The following ARMC8 variants were observed in gnomAD, a reference collection of about 807,000 sequenced individuals.
The protein encoded by ARMC8 is armadillo repeat containing 8, also known as armadillo repeat-containing protein 8.
A neutral mutation model predicts 99.3 loss-of-function variants in ARMC8; 20 were observed. That is an observed-to-expected ratio of 0.20 (90% CI 0.14 to 0.29). The LOEUF is 0.29. Ranked by LOEUF, ARMC8 falls within the 10% of genes least tolerant of loss-of-function variation. ARMC8 has a pLI of 1.00. For synonymous variants in ARMC8, 263 were observed against 278.3 expected (o/e 0.95, Z 0.55); for missense variants, 569 against 809.5 (o/e 0.70, Z 3.60).
At chr3:138,236,305 T>TA (rs1318396905) in intron 7 of ARMC8, among the ~76,000 whole-genome samples, 1 of 152,238 alleles carries the variant, frequency 6.6e-6, no homozygotes, top group African/African-American at 2.4e-5. Context: ...ATGCAAAGGC[T>TA]AAACCAGTCA....
At chr3:138,263,657 A>C in intron 12 of ARMC8, 82 bp from the exon 13 acceptor site, 1 of 1,178,602 alleles carries the variant, frequency 8.5e-7, no homozygotes, top group Non-Finnish European at 1.3e-6. Flanking sequence ...CTTTTAATGG[A>C]TGTTAACATA....
intron 15 of ARMC8, among the ~76,000 whole-genome samples, chr3:138,267,819 A>C (rs1273773558): frequency 6.6e-6 from 1 of 152,236 alleles, no homozygotes; most frequent in Non-Finnish European, 1.5e-5. Flanking sequence ...TTATGTCATA[A>C]TACCCCTGAT....
intron 5 of ARMC8, among the ~76,000 whole-genome samples, chr3:138,225,149 C>T (rs1055764949): frequency 4.0e-5 from 6 of 148,758 alleles, no homozygotes; most frequent in African/African-American, 1.5e-4. Flanking sequence ...TCTCTCTCAC[C>T]GAGGCTGGAG....
rs902792867 is a variant in ARMC8 at position 138,298,210 on chromosome 3, G to A, written c.*2318G>A. ...AATACTGCATTCTGTTTCTCCTTTT[G>A]TGCCCTGATTGTAATCCAAAATTTA... On this transcript the variant is annotated 3_prime_UTR_variant, in exon 22 of 22. Coordinates refer to ENST00000469044, the MANE Select transcript of ARMC8 (RefSeq NM_001363941.2). 4 of 152,146 alleles carry A rather than the reference G, an allele frequency of 2.6e-5. No individual in the cohort carries two copies. Among genetic ancestry groups the A allele is most frequent in the Admixed American group, 1.3e-4 (2 of 15,284 alleles). 9.4% of individuals were successfully genotyped at this position (152,146 alleles called of 1,614,324 possible). A position where few individuals can be genotyped will look rare whatever the true frequency, so the allele number is the denominator to read the frequency against.
chr3:138,256,410 T>TTTC, intron 12 of ARMC8, among the ~76,000 whole-genome samples: 1 of 143,252 alleles, frequency 7.0e-6, no homozygotes, highest in African/African-American at 2.6e-5. Flanking sequence ...TTCTTTTTTT[T>TTTC]TTTTTTTTTT....
At chr3:138,201,411 T>C (rs1386464921) in intron 1 of ARMC8, among the ~76,000 whole-genome samples, 1 of 146,052 alleles carries the variant, frequency 6.8e-6, no homozygotes, top group Non-Finnish European at 1.5e-5. Context: ...GCTCTCTACC[T>C]AGAGTCCTTG....
intron 12 of ARMC8, chr3:138,263,402 A>G (rs899822556): frequency 4.0e-5 from 10 of 250,488 alleles, no homozygotes; most frequent in South Asian, 2.8e-4. Flanking sequence ...AACCTGCCCA[A>G]TGAGAGTTCA....
intron 12 of ARMC8, among the ~76,000 whole-genome samples, chr3:138,251,499 C>T (rs773399173): frequency 6.6e-6 from 1 of 152,202 alleles, no homozygotes; most frequent in African/African-American, 2.4e-5. Flanking sequence ...CAAATTCATT[C>T]GGATTTCATA....
chr3:138,220,010 A>G (rs2045303490), intron 2 of ARMC8, among the ~76,000 whole-genome samples: 1 of 152,218 alleles, frequency 6.6e-6, no homozygotes, highest in Admixed American at 6.5e-5. Context: ...GTTCTGGAAT[A>G]GAAAGCATTC....
rs141188132 is a variant in ARMC8 at position 138,225,620 on chromosome 3, C to A, written c.435+1887C>A. ...TGTATGTATGTGTATGTGAAAGAAT[C>A]CTGAGACAAGTTTCATGACATTGTT... On this transcript the variant is annotated intron_variant, in intron 5 of 21. Coordinates refer to ENST00000469044, the MANE Select transcript of ARMC8 (RefSeq NM_001363941.2). Among the ~76,000 whole-genome samples, 1,098 of 152,186 alleles carry A rather than the reference C, an allele frequency of 7.2e-3. 13 individuals carry two copies. The highest frequency in any genetic ancestry group is 0.025 in the African/African-American group (1,028 of 41,498).
At chr3:138,281,835 T>C (rs936639844) in intron 18 of ARMC8, among the ~76,000 whole-genome samples, 1 of 152,138 alleles carries the variant, frequency 6.6e-6, no homozygotes, top group Non-Finnish European at 1.5e-5. Flanking sequence ...GGGTAGCTGT[T>C]TTCTAGGAGA....
At chr3:138,187,838 C>T (rs1342492815) in intron 1 of ARMC8, 4 of 556,342 alleles carry the variant, frequency 7.2e-6, no homozygotes, top group Non-Finnish European at 1.3e-5. Context: ...CCCAGGATGG[C>T]GTCTGGCAGG....
intron 12 of ARMC8, chr3:138,262,547 AG>A: frequency 6.2e-7 from 1 of 1,612,722 alleles, no homozygotes; most frequent in Non-Finnish European, 8.5e-7. Flanking sequence ...ATTTTAGTCT[AG>A]GTCAGTGATC....
At chr3:138,188,407 T>A (rs77954105) in intron 1 of ARMC8, 1 of 1,514,656 alleles carries the variant, frequency 6.6e-7, no homozygotes, top group Non-Finnish European at 8.9e-7. Context: ...AAAGTTTTTT[T>A]AAAGAAAAAG....
In ARMC8 at chr3:138,187,722, C is replaced by T. The variant is rs914059294; in HGVS notation, c.45+123C>T. ...CCTGGGGTGGACCCCGGCTCAGTCTCGGGCCAGGGAGTGAGCGAGGGTGGA... is the reference window on the plus strand; with the variant it reads ...CCTGGGGTGGACCCCGGCTCAGTCTTGGGCCAGGGAGTGAGCGAGGGTGGA... On this transcript the variant is annotated intron_variant, in intron 1 of 21. Transcript: ENST00000469044. The T allele has an allele frequency of 1.7e-5, 19 of 1,111,174 alleles. No individual in the cohort carries two copies. The Admixed American group carries it at 2.6e-4, about 15-fold the overall frequency. 68.8% of individuals were successfully genotyped at this position (1,111,174 alleles called of 1,614,324 possible). A position where few individuals can be genotyped will look rare whatever the true frequency, so the allele number is the denominator to read the frequency against.
intron 18 of ARMC8, among the ~76,000 whole-genome samples, chr3:138,278,708 T>G (rs569998210): frequency 2.0e-5 from 3 of 152,296 alleles, no homozygotes; most frequent in African/African-American, 7.2e-5. Flanking sequence ...TTCCCAATTA[T>G]TTAGGTCTTC....
chr3:138,237,577 A>C lies in ARMC8; in HGVS notation c.776+5A>C, dbSNP rs1559971327. 4.3e-6 allele frequency: 7 copies of C among 1,609,642 alleles called. No individual in the cohort carries two copies. Among genetic ancestry groups the C allele is most frequent in the Non-Finnish European group, 5.1e-6 (6 of 1,177,714 alleles). On this transcript the variant is annotated splice_donor_5th_base_variant and intron_variant, in intron 9 of 21. Coordinates refer to ENST00000469044, the MANE Select transcript of ARMC8 (RefSeq NM_001363941.2). ...GCAGCTCACATCAGCAAAATGGTAA[A>C]AGTCAGGACAATGTGGGAAGAAAGA...
intron 10 of ARMC8, among the ~76,000 whole-genome samples, chr3:138,241,198 C>T (rs902437297): frequency 6.6e-6 from 1 of 152,186 alleles, no homozygotes; most frequent in African/African-American, 2.4e-5. Context: ...CAGCAAGTTA[C>T]TGGGAAAACC....
chr3:138,209,685 C>CT, intron 1 of ARMC8, 132 bp from the exon 2 acceptor site: 1 of 708,626 alleles, frequency 1.4e-6, no homozygotes, highest in Non-Finnish European at 2.4e-6. Context: ...GGAGGCAAAA[C>CT]TAAGTATTTC....
Sources: gnomAD v4.1 joint callset for allele counts (sites outside exome capture counted in the v4.1 genomes callset) on GRCh38, gnomAD v4.1.1 for gene constraint, MANE v1.5 for transcripts, NCBI Gene and HGNC (gene_info 2026-07-23, HGNC 2026-07-21) for gene names.